The following CIBAR2 variants were observed in gnomAD, a reference collection of about 807,000 sequenced individuals.
The protein encoded by CIBAR2 is CBY1-interacting BAR domain-containing protein 2.
Under a neutral mutation model 36.2 loss-of-function variants are expected in CIBAR2, and 38 were observed. That is an observed-to-expected ratio of 1.05 (90% CI 0.81 to 1.38). The LOEUF is 1.38. CIBAR2 is among the 40% of genes most tolerant of loss of function. The pLI, the probability that CIBAR2 is intolerant of heterozygous loss-of-function variation, is 0.00. For synonymous variants in CIBAR2, 182 were observed against 149.5 expected (o/e 1.22, Z -1.58); for missense variants, 481 against 383.4 (o/e 1.25, Z -2.13).
intron 6 of CIBAR2, among the ~76,000 whole-genome samples, chr16:85,102,953 G>A (rs1364903950): frequency 6.6e-6 from 1 of 151,730 alleles, no homozygotes; most frequent in East Asian, 1.9e-4. Context: ...CCAAGCTGGA[G>A]TGAAGTGGTG....
chr16:85,108,304 C>A (rs1018904958), intron 2 of CIBAR2, among the ~76,000 whole-genome samples: 1 of 152,212 alleles, frequency 6.6e-6, no homozygotes, highest in African/African-American at 2.4e-5. Flanking sequence ...AGGGCTCCAG[C>A]AACGCATTCA....
intron 1 of CIBAR2, among the ~76,000 whole-genome samples, chr16:85,110,764 GT>G (rs1394482117): frequency 1.4e-5 from 2 of 148,016 alleles, no homozygotes; most frequent in African/African-American, 2.5e-5. Context: ...GAGTGCAGTG[GT>G]ATGATCTTGG....
chr16:85,099,988 C>G, intron 8 of CIBAR2, 151 bp downstream of exon 8: 2 of 625,992 alleles, frequency 3.2e-6, no homozygotes, highest in Non-Finnish European at 5.5e-6. Flanking sequence ...CCGGGCAGCC[C>G]TCCATGCTCC....
Position 85,098,699 on chromosome 16 carries a change from T to G in CIBAR2, c.*486A>C. On this transcript the variant is annotated 3_prime_UTR_variant, in exon 9 of 9. Transcript: ENST00000539556. ...TGAGCACTCTAAATAATAATAATAA[T>G]AAAACGACAGCAACATCAGTAATGA... 1.2e-6 allele frequency: 1 copy of G among 837,612 alleles called. No individual in the cohort carries two copies. Among genetic ancestry groups the G allele is most frequent in the Non-Finnish European group, 1.4e-6 (1 of 694,938 alleles). 51.9% of individuals were successfully genotyped at this position (837,612 alleles called of 1,614,324 possible). A position where few individuals can be genotyped will look rare whatever the true frequency, so the allele number is the denominator to read the frequency against.
chr16:85,111,637 G>A (rs987143121), intron 1 of CIBAR2, among the ~76,000 whole-genome samples: 2 of 152,212 alleles, frequency 1.3e-5, no homozygotes, highest in Admixed American at 6.5e-5. Context: ...CCTGAGCTCA[G>A]GAGTTCAAGA....
In CIBAR2 at chr16:85,098,855, G is replaced by A. The variant is rs2073931361; in HGVS notation, c.*330C>T. The A allele has an allele frequency of 8.9e-6, 2 of 224,668 alleles. No homozygotes were observed. The highest frequency in any genetic ancestry group is 1.6e-5 in the Non-Finnish European group (2 of 123,778). 13.9% of individuals were successfully genotyped at this position (224,668 alleles called of 1,614,324 possible). ...TACTGTTCTAAGCCACTCTGCAGGC[G>A]AGGACTCTAAGGCACAGAGAGGCTA... On this transcript the variant is annotated 3_prime_UTR_variant, in exon 9 of 9. Coordinates refer to ENST00000539556, the MANE Select transcript of CIBAR2 (RefSeq NM_198491.3).
intron 6 of CIBAR2, among the ~76,000 whole-genome samples, chr16:85,103,365 A>T (rs557613278): frequency 2.3e-4 from 35 of 152,196 alleles, no homozygotes. Context: ...CACCCAGCTT[A>T]AAGTGTTGTG....
At chr16:85,110,121 C>T in intron 2 of CIBAR2, 105 bp downstream of exon 2, 1 of 786,688 alleles carries the variant, frequency 1.3e-6, no homozygotes, top group Non-Finnish European at 2.0e-6. Context: ...GGAGACACAC[C>T]CATTGGCTGT....
chr16:85,102,223 C>G lies in CIBAR2; in HGVS notation c.642G>C (p.Arg214Ser). ...GGTGTCTGTGACTCACCAGTAGATC[C>G]CTCTCCAGGTCATACTTCTCCAGGG... ...FQTLEKYDLE[R>S]DLLDFRAKMQ... Residue 214 changes from arginine (R) to serine (S), a missense_variant, in exon 7 of 9, where the codon AGG (arginine) becomes AGC (serine). Physicochemically the swap from Arg to Ser is moderately radical, Grantham distance 110 (BLOSUM62 -1). Transcript: ENST00000539556. The G allele has an allele frequency of 6.3e-7, 1 of 1,576,254 alleles. No individual in the cohort carries two copies. Among genetic ancestry groups the G allele is most frequent in the African/African-American group, 1.3e-5 (1 of 74,260 alleles).
At chr16:85,103,596 A>C (rs1424907056) in intron 6 of CIBAR2, among the ~76,000 whole-genome samples, 1 of 152,212 alleles carries the variant, frequency 6.6e-6, no homozygotes, top group East Asian at 1.9e-4. Flanking sequence ...CTGCCCACCC[A>C]GCCCCAGACA....
chr16:85,107,915 AT>A lies in CIBAR2; in HGVS notation c.356del (p.Asn119IlefsTer13). 3.7e-6 allele frequency: 6 copies of A among 1,614,082 alleles called. No individual in the cohort carries two copies. Among genetic ancestry groups the A allele is most frequent in the Non-Finnish European group, 5.1e-6 (6 of 1,179,972 alleles). On this transcript the variant is annotated frameshift_variant, in exon 4 of 9. Coordinates refer to ENST00000539556, the MANE Select transcript of CIBAR2 (RefSeq NM_198491.3). LOFTEE classifies it high-confidence loss of function. The stretch of plus-strand genomic sequence containing the variant: ...GTTTTTCCAGTTGTTTGATCTCATG[AT>A]TTTGGACATGTTTGAATTTCTTGAT... The part of the protein sequence containing the change: ...AEIKKFKHVQ[N>X]HEIKQLEKLE...
intron 2 of CIBAR2, among the ~76,000 whole-genome samples, chr16:85,108,878 AAACAAAAAAC>A (rs912306431): frequency 3.3e-5 from 5 of 152,190 alleles, no homozygotes; most frequent in Non-Finnish European, 4.4e-5. Context: ...CCATCTCAGA[AAACAAAAAAC>A]AACAAAAAAC....
chr16:85,104,807 C>A (rs1187661349), intron 6 of CIBAR2, among the ~76,000 whole-genome samples: 1 of 152,150 alleles, frequency 6.6e-6, no homozygotes. Flanking sequence ...GGAATCTCTG[C>A]GATCAGCTAG....
chr16:85,109,516 C>T (rs1954060558), intron 2 of CIBAR2, among the ~76,000 whole-genome samples: 2 of 152,152 alleles, frequency 1.3e-5, no homozygotes, highest in South Asian at 4.1e-4. Context: ...TAAAGCTGTT[C>T]CATTCTTTGT....
intron 2 of CIBAR2, among the ~76,000 whole-genome samples, chr16:85,109,250 A>T (rs571281560): frequency 1.4e-4 from 21 of 151,172 alleles, no homozygotes; most frequent in Middle Eastern, 6.8e-3. Flanking sequence ...ATCTCTTAAA[A>T]TTTTTTTTTT....
In CIBAR2 at chr16:85,112,468, G is replaced by C; in HGVS notation, c.-116C>G. On this transcript the variant is annotated 5_prime_UTR_variant, in exon 1 of 9. Coordinates refer to ENST00000539556, the MANE Select transcript of CIBAR2 (RefSeq NM_198491.3). ...GTGCAGCTGTGTGGCCTGGGCTCAA[G>C]GGACGCTGCCACCCGGTTGCTAGGC... 1 of 1,071,490 alleles carries C rather than the reference G, an allele frequency of 9.3e-7. No individual in the cohort carries two copies. The highest frequency in any genetic ancestry group is 1.4e-6 in the Non-Finnish European group (1 of 700,612). The allele number at this position is 1,071,490 out of a possible 1,614,324, so 66.4% of individuals were successfully genotyped here.
chr16:85,108,296 G>A, intron 2 of CIBAR2, among the ~76,000 whole-genome samples, 197 bp from the exon 3 acceptor site: 1 of 152,208 alleles, frequency 6.6e-6, no homozygotes, highest in East Asian at 1.9e-4. Flanking sequence ...GCCTCCCGAG[G>A]GCTCCAGCAA....
intron 1 of CIBAR2, among the ~76,000 whole-genome samples, chr16:85,111,508 G>A (rs564732131): frequency 6.6e-6 from 1 of 152,284 alleles, no homozygotes; most frequent in South Asian, 2.1e-4. Flanking sequence ...CCCCAGGCAT[G>A]TGCACCAGAA....
Position 85,100,170 on chromosome 16 carries a change from G to T in CIBAR2, c.722C>A (p.Pro241His), listed in dbSNP as rs751686547. ...GGCGAGAGACTGAAGAACAGATGGAGGGGGGCTGGTGTTGGCAAGCAGCCG... is the reference window on the plus strand; with the variant it reads ...GGCGAGAGACTGAAGAACAGATGGATGGGGGCTGGTGTTGGCAAGCAGCCG... ...DTRLLANTSP[P>H]PSVLQSLASQ... is the part of the protein sequence containing the mutation. The change falls in exon 8 of 9, where the codon CCT (proline) becomes CAT (histidine). Residue 241 changes from proline to histidine, a missense_variant. By Grantham distance (77) the Pro-to-His change is moderately conservative. Coordinates refer to ENST00000539556, the MANE Select transcript of CIBAR2 (RefSeq NM_198491.3). 2.5e-6 allele frequency: 4 copies of T among 1,611,214 alleles called. No homozygotes were observed. Among genetic ancestry groups the T allele is most frequent in the Admixed American group, 3.4e-5 (2 of 59,350 alleles).
Sources: allele counts gnomAD v4.1 joint callset (sites outside exome capture counted in the v4.1 genomes callset), GRCh38; gene constraint gnomAD v4.1.1; transcripts MANE v1.5; gene names NCBI Gene and HGNC (gene_info 2026-07-23, HGNC 2026-07-21).